CCM2: variants seen among roughly 807,000 people sequenced by gnomAD.
CCM2 encodes CCM2 scaffold protein, also known as cerebral cavernous malformations 2 protein.
CCM2 carries 25 observed loss-of-function variants against 44.9 expected under a neutral mutation model. That is an observed-to-expected ratio of 0.56 (90% CI 0.41 to 0.78). The LOEUF is 0.78. Among genes scored for constraint, CCM2 ranks in the 30% least tolerant of loss-of-function variants. CCM2 has a pLI of 0.00. For synonymous variants in CCM2, 219 were observed against 241.1 expected, an observed-to-expected ratio of 0.91 and a Z score of 0.85; for missense variants, 481 against 580.6, an observed-to-expected ratio of 0.83 and a Z score of 1.76.
chr7:45,020,334 C>G (rs1174862353), intron 1 of CCM2, among the ~76,000 whole-genome samples: 3 of 152,124 alleles, frequency 2.0e-5, no homozygotes, highest in African/African-American at 7.2e-5. Flanking sequence ...CAGTCTACTT[C>G]TCTCTTAAGG....
intron 9 of CCM2, among the ~76,000 whole-genome samples, chr7:45,075,576 T>G (rs1339058186): frequency 6.6e-6 from 1 of 151,734 alleles, no homozygotes; most frequent in African/African-American, 2.4e-5. Context: ...CTGTCAAGAG[T>G]TGAGGTTTTA....
At chr7:45,041,726 T>C (rs915710678) in intron 2 of CCM2, among the ~76,000 whole-genome samples, 4 of 152,174 alleles carry the variant, frequency 2.6e-5, no homozygotes, top group African/African-American at 9.7e-5. Context: ...CCAGAGAAAG[T>C]TGAATAGGGA....
At chr7:45,050,825 T>C (rs550785892) in intron 2 of CCM2, among the ~76,000 whole-genome samples, 7 of 152,328 alleles carry the variant, frequency 4.6e-5, no homozygotes, top group Admixed American at 1.3e-4. Context: ...TTGTCTTCAA[T>C]TGGTTCTCTT....
chr7:45,060,228 A>C (rs1010945921), intron 2 of CCM2, among the ~76,000 whole-genome samples: 1 of 152,338 alleles, frequency 6.6e-6, no homozygotes, highest in Non-Finnish European at 1.5e-5. Context: ...TACAGAATCA[A>C]ATAGTTCCCT....
chr7:45,060,957 C>G (rs1046947622), intron 2 of CCM2, among the ~76,000 whole-genome samples: 1 of 152,124 alleles, frequency 6.6e-6, no homozygotes, highest in Non-Finnish European at 1.5e-5. Context: ...GGAACTTAGG[C>G]GTCAGGTTAA....
chr7:45,074,351 G>A lies in CCM2; in HGVS notation c.997G>A (p.Glu333Lys), dbSNP rs775873072. The change falls in exon 9 of 10, where the codon GAG (glutamate) becomes AAG (lysine). Residue 333 changes from glutamate to lysine, a missense_variant. Physicochemically the swap from Glu to Lys is moderately conservative, Grantham distance 56. Coordinates refer to ENST00000258781, the MANE Select transcript of CCM2 (RefSeq NM_031443.4). Reference sequence around the variant, plus strand: ...GTACCGCAATGGGGCCTCTATCCACGAGTTCTGCATCAACCTGCGGCAGCT... The same window carrying A: ...GTACCGCAATGGGGCCTCTATCCACAAGTTCTGCATCAACCTGCGGCAGCT... Reference protein sequence around the residue: ...HEYRNGASIHEFCINLRQLYG... With the variant: ...HEYRNGASIHKFCINLRQLYG... 4 of 1,613,646 alleles carry A rather than the reference G, an allele frequency of 2.5e-6. No individual in the cohort carries two copies. Among genetic ancestry groups the A allele is most frequent in the Non-Finnish European group, 3.4e-6 (4 of 1,180,038 alleles).
chr7:45,030,916 G>A (rs1409569125), intron 1 of CCM2, among the ~76,000 whole-genome samples: 1 of 151,878 alleles, frequency 6.6e-6, no homozygotes, highest in Non-Finnish European at 1.5e-5. Context: ...TAGAGACGGG[G>A]TTTCACCATG....
chr7:45,064,730 A>C, intron 4 of CCM2, 84 bp downstream of exon 4: 2 of 1,456,130 alleles, frequency 1.4e-6, no homozygotes, highest in Non-Finnish European at 1.9e-6. Flanking sequence ...CAGTTTTTGC[A>C]GCTTCGTGTT....
chr7:45,049,231 C>A (rs1395176989), intron 2 of CCM2, among the ~76,000 whole-genome samples: 2 of 152,148 alleles, frequency 1.3e-5, no homozygotes, highest in Non-Finnish European at 2.9e-5. Flanking sequence ...TGATAGATTA[C>A]AAGTGTGAGC....
chr7:45,042,264 T>TAAAAAAAAAAAAAAAAAA (rs1412284392), intron 2 of CCM2, among the ~76,000 whole-genome samples: 2 of 23,880 alleles, frequency 8.4e-5, no homozygotes, highest in South Asian at 1.6e-3. Context: ...AGATTCCATC[T>TAAAAAAAAAAAAAAAAAA]CAAAAAAAAA....
intron 1 of CCM2, among the ~76,000 whole-genome samples, chr7:45,023,809 T>G (rs528143318): frequency 0.47 from 40,575 of 86,716 alleles, 8,859 homozygotes; most frequent in East Asian, 0.68. Context: ...TTTTTTTTTT[T>G]TTTTTTTTTT....
chr7:45,039,985 C>T (rs1458794439), intron 2 of CCM2, among the ~76,000 whole-genome samples: 2 of 151,812 alleles, frequency 1.3e-5, no homozygotes, highest in South Asian at 2.1e-4. Context: ...CAAGATCACA[C>T]CACTGCACTC....
intron 2 of CCM2, among the ~76,000 whole-genome samples, chr7:45,042,959 CT>C (rs1028877993): frequency 8.0e-6 from 1 of 125,514 alleles, no homozygotes; most frequent in African/African-American, 3.6e-5. Flanking sequence ...TTTCTCTTCT[CT>C]TCTTCTTCTT....
intron 1 of CCM2, among the ~76,000 whole-genome samples, chr7:45,030,592 A>G (rs1796918183): frequency 6.6e-6 from 1 of 151,936 alleles, no homozygotes. Context: ...AATTTTTAAT[A>G]TTTTTTAGAG....
intron 1 of CCM2, among the ~76,000 whole-genome samples, chr7:45,028,334 G>A (rs988169869): frequency 2.0e-5 from 3 of 152,168 alleles, no homozygotes; most frequent in Non-Finnish European, 1.5e-5. Flanking sequence ...CAAACAGGCG[G>A]TAGTGGGCAG....
intron 1 of CCM2, among the ~76,000 whole-genome samples, chr7:45,037,293 T>C (rs1797269611): frequency 6.6e-6 from 1 of 152,040 alleles, no homozygotes; most frequent in Non-Finnish European, 1.5e-5. Flanking sequence ...CTCTCACTGA[T>C]TCTCACTCTT....
At chr7:45,032,259 A>T (rs973782089) in intron 1 of CCM2, among the ~76,000 whole-genome samples, 1 of 152,182 alleles carries the variant, frequency 6.6e-6, no homozygotes, top group Non-Finnish European at 1.5e-5. Flanking sequence ...AGGGCCAGAG[A>T]GACGCCTGCC....
At chr7:45,009,409 T>G (rs1186867101) in intron 1 of CCM2, among the ~76,000 whole-genome samples, 8 of 141,164 alleles carry the variant, frequency 5.7e-5, no homozygotes, top group Non-Finnish European at 1.2e-4. Flanking sequence ...CTTGTTTTTT[T>G]TTTTTTTTTT....
At chr7:45,002,943 C>G (rs1159237469) in intron 1 of CCM2, among the ~76,000 whole-genome samples, 1 of 152,120 alleles carries the variant, frequency 6.6e-6, no homozygotes, top group Non-Finnish European at 1.5e-5. Flanking sequence ...GTAGAAGTGA[C>G]CACTTGGGGC....
Sources: allele counts gnomAD v4.1 joint callset (sites outside exome capture counted in the v4.1 genomes callset), GRCh38; gene constraint gnomAD v4.1.1; transcripts MANE v1.5; gene names NCBI Gene and HGNC (gene_info 2026-07-23, HGNC 2026-07-21).